The following FHOD3 variants were observed in gnomAD, a reference collection of about 807,000 sequenced individuals.
The protein encoded by FHOD3 is FH1/FH2 domain-containing protein 3.
A neutral mutation model predicts 173.0 loss-of-function variants in FHOD3; 90 were observed. That is an observed-to-expected ratio of 0.52 (90% confidence interval 0.44 to 0.62). The LOEUF is 0.62. FHOD3 is among the 20% of genes least tolerant of loss of function. The pLI, the probability that FHOD3 is intolerant of heterozygous loss-of-function variation, is 0.00. For missense variants in FHOD3, 1,945 were observed against 2,034.7 expected, an observed-to-expected ratio of 0.96 and a Z score of 0.85; for synonymous variants, 828 against 823.0, an observed-to-expected ratio of 1.01 and a Z score of -0.10.
At chr18:36,581,547 A>G (rs933110969) in intron 6 of FHOD3, among the ~76,000 whole-genome samples, 4 of 152,070 alleles carry the variant, frequency 2.6e-5, no homozygotes, top group African/African-American at 9.7e-5. Context: ...TCATCCTTCC[A>G]TCTGTGCCCC....
At chr18:36,779,275 A>G (rs191095873) in intron 28 of FHOD3, 173 bp from the exon 29 acceptor site, 219 of 599,860 alleles carry the variant, frequency 3.7e-4, no homozygotes, top group Non-Finnish European at 9.1e-5. Context: ...GTCCTGGCAG[A>G]CAGACTGCAG....
At chr18:36,451,344 G>A (rs778130952) in intron 3 of FHOD3, among the ~76,000 whole-genome samples, 1 of 152,186 alleles carries the variant, frequency 6.6e-6, no homozygotes, top group Non-Finnish European at 1.5e-5. Context: ...CTCCTGTGTT[G>A]TGTATAGCCT....
chr18:36,501,648 C>T (rs975303419), intron 3 of FHOD3, among the ~76,000 whole-genome samples: 1 of 152,156 alleles, frequency 6.6e-6, no homozygotes, highest in African/African-American at 2.4e-5. Flanking sequence ...TGATAGTTGT[C>T]AGTGATAGCC....
chr18:36,426,778 C>G (rs2050269744), intron 3 of FHOD3, among the ~76,000 whole-genome samples: 1 of 152,206 alleles, frequency 6.6e-6, no homozygotes, highest in African/African-American at 2.4e-5. Context: ...TTTACTTGTT[C>G]TGTCTCATTT....
intron 23 of FHOD3, among the ~76,000 whole-genome samples, chr18:36,745,369 A>C (rs2042101115): frequency 6.6e-6 from 1 of 152,176 alleles, no homozygotes; most frequent in African/African-American, 2.4e-5. Context: ...GAAACCCTGC[A>C]TACCTGAATC....
chr18:36,669,651 C>G (rs1411422414), intron 14 of FHOD3, among the ~76,000 whole-genome samples: 1 of 151,942 alleles, frequency 6.6e-6, no homozygotes, highest in African/African-American at 2.4e-5. Flanking sequence ...CATAGCATAA[C>G]AACCCTGCAA....
rs182451003 is a variant in FHOD3 at position 36,478,397 on chromosome 18, T to A, written c.338-23535T>A. Among the ~76,000 whole-genome samples, 658 of 152,334 alleles carry A rather than the reference T, an allele frequency of 4.3e-3. 4 individuals are homozygous for A. The highest frequency in any genetic ancestry group is 0.01 in the Middle Eastern group (3 of 294). Reference sequence around the variant, plus strand: ...TGGGGTATCTATCACCTCAACCATCTATTCTTTGTGTTACAAACAATCCAA... The same window carrying A: ...TGGGGTATCTATCACCTCAACCATCAATTCTTTGTGTTACAAACAATCCAA... On this transcript the variant is annotated intron_variant, in intron 3 of 28. Coordinates refer to ENST00000590592, the MANE Select transcript of FHOD3 (RefSeq NM_001281740.3).
intron 3 of FHOD3, among the ~76,000 whole-genome samples, chr18:36,427,728 A>G (rs2050325288): frequency 6.6e-6 from 1 of 152,222 alleles, no homozygotes; most frequent in South Asian, 2.1e-4. Context: ...TGCCCATCTT[A>G]GAGCCTGGTA....
chr18:36,412,586 A>T (rs1193376023), intron 3 of FHOD3, among the ~76,000 whole-genome samples: 1 of 152,258 alleles, frequency 6.6e-6, no homozygotes. Context: ...ATTCTGGAGA[A>T]GAGTTGCCCA....
At chr18:36,505,759 A>G (rs2055268281) in intron 4 of FHOD3, among the ~76,000 whole-genome samples, 1 of 152,178 alleles carries the variant, frequency 6.6e-6, no homozygotes, top group African/African-American at 2.4e-5. Flanking sequence ...TGGATGAAAA[A>G]ACATTACTGT....
intron 5 of FHOD3, among the ~76,000 whole-genome samples, chr18:36,544,841 G>A (rs901126524): frequency 1.2e-4 from 19 of 152,248 alleles, no homozygotes; most frequent in African/African-American, 3.6e-4. Flanking sequence ...AATATAAAAA[G>A]CTTTGAACAG....
At chr18:36,575,858 A>G (rs2058629029) in intron 5 of FHOD3, among the ~76,000 whole-genome samples, 1 of 152,218 alleles carries the variant, frequency 6.6e-6, no homozygotes. Context: ...AGAATTTAGG[A>G]TTTGGTATGT....
intron 5 of FHOD3, among the ~76,000 whole-genome samples, chr18:36,543,368 A>T (rs1568405582): frequency 1.3e-5 from 2 of 152,176 alleles, no homozygotes; most frequent in African/African-American, 4.8e-5. Context: ...TGACTAATAC[A>T]TTCCCCTTTC....
intron 19 of FHOD3, among the ~76,000 whole-genome samples, chr18:36,721,756 CTG>C (rs2040805317): frequency 2.0e-5 from 3 of 152,226 alleles, no homozygotes. Flanking sequence ...TAATCCTTGA[CTG>C]TGGTTTTCAT....
At chr18:36,724,330 T>G (rs899008060) in intron 19 of FHOD3, among the ~76,000 whole-genome samples, 1 of 152,228 alleles carries the variant, frequency 6.6e-6, no homozygotes, top group East Asian at 1.9e-4. Flanking sequence ...ACGGAGTGGC[T>G]GAGTTTGCAG....
At chr18:36,464,944 C>A (rs1029645338) in intron 3 of FHOD3, among the ~76,000 whole-genome samples, 2 of 152,210 alleles carry the variant, frequency 1.3e-5, no homozygotes, top group Non-Finnish European at 2.9e-5. Flanking sequence ...CACACACACA[C>A]ACACGCAGGC....
intron 3 of FHOD3, among the ~76,000 whole-genome samples, chr18:36,453,590 T>A (rs2051993312): frequency 6.6e-6 from 1 of 152,236 alleles, no homozygotes; most frequent in Admixed American, 6.5e-5. Flanking sequence ...GACATGAATG[T>A]CACACGCATG....
chr18:36,681,363 T>A, intron 14 of FHOD3, 73 bp from the exon 15 acceptor site: 2 of 1,576,838 alleles, frequency 1.3e-6, no homozygotes, highest in Non-Finnish European at 1.7e-6. Context: ...CTAACCAAGG[T>A]CTGACTGGTG....
At chr18:36,729,559 A>C (rs2041249750) in intron 19 of FHOD3, among the ~76,000 whole-genome samples, 1 of 152,208 alleles carries the variant, frequency 6.6e-6, no homozygotes, top group Non-Finnish European at 1.5e-5. Flanking sequence ...TTAGGTTTCT[A>C]GTGAGGGCAC....
Sources: allele counts gnomAD v4.1 joint callset (sites outside exome capture counted in the v4.1 genomes callset), GRCh38; gene constraint gnomAD v4.1.1; transcripts MANE v1.5; gene names NCBI Gene and HGNC (gene_info 2026-07-23, HGNC 2026-07-21).